The following EDA variants were observed in gnomAD, a reference collection of about 807,000 sequenced individuals.
The protein encoded by EDA is ectodysplasin-A.
In EDA, 2 loss-of-function variants were observed where a neutral mutation model predicts 23.6. That is an observed-to-expected ratio of 0.08 (90% CI 0.03 to 0.27). The LOEUF is 0.27. EDA is among the 10% of genes least tolerant of loss of function. EDA has a pLI of 1.00. For synonymous variants in EDA, 131 were observed against 132.0 expected, an observed-to-expected ratio of 0.99 and a Z score of 0.05; for missense variants, 229 against 324.2, an observed-to-expected ratio of 0.71 and a Z score of 2.26.
chrX:70,012,844 C>T (rs113308801), intron 2 of EDA, among the ~76,000 whole-genome samples: 3,941 of 111,540 alleles, frequency 0.035, 174 homozygotes, highest in African/African-American at 0.12. Context: ...GCCACCCCAC[C>T]GCTACCTGGG....
chrX:69,989,032 C>CA (rs1370127810), intron 2 of EDA, among the ~76,000 whole-genome samples: 1 of 111,403 alleles, frequency 9.0e-6, no homozygotes, highest in Non-Finnish European at 1.9e-5. Context: ...CTCCTATTCC[C>CA]ACTGCCCTGA....
intron 1 of EDA, among the ~76,000 whole-genome samples, chrX:69,951,170 A>T (rs2018920273): frequency 9.0e-6 from 1 of 111,018 alleles, no homozygotes; most frequent in Non-Finnish European, 1.9e-5. Context: ...TCCTCAATAA[A>T]GAAAAATAAA....
intron 1 of EDA, among the ~76,000 whole-genome samples, chrX:69,665,731 A>T (rs1268554568): frequency 1.8e-5 from 2 of 111,528 alleles, no homozygotes; most frequent in Non-Finnish European, 3.8e-5. Flanking sequence ...AAATTATATA[A>T]TATAATCAGG....
intron 1 of EDA, among the ~76,000 whole-genome samples, chrX:69,829,035 C>T (rs971905791): frequency 3.6e-5 from 4 of 112,426 alleles, no homozygotes; most frequent in African/African-American, 6.5e-5. Context: ...CCTTCATCAT[C>T]ATCCCCCATT....
chrX:70,027,964 A>G lies in EDA; in HGVS notation c.634A>G (p.Thr212Ala), dbSNP rs1320757154. The G allele has an allele frequency of 1.6e-5, 19 of 1,188,545 alleles. No individual in the cohort carries two copies. Among genetic ancestry groups the G allele is most frequent in the Non-Finnish European group, 2.1e-5 (19 of 884,053 alleles). ...IPGIPGIPGT[T>A]VMGPPGPPGP... ...AGGGATTCCTGGAATTCCAGGAACAACTGTTATGGGACCACCTGGTCCTCC... is the reference window on the plus strand; with the variant it reads ...AGGGATTCCTGGAATTCCAGGAACAGCTGTTATGGGACCACCTGGTCCTCC... Residue 212 changes from threonine (T) to alanine (A), a missense_variant, in exon 4 of 8, where the codon ACT becomes GCT. This residue lies in a region of EDA where 175 missense variants were observed against 281.8 expected (regional missense o/e 0.62). Coordinates refer to ENST00000374552, the MANE Select transcript of EDA (RefSeq NM_001399.5).
intron 1 of EDA, among the ~76,000 whole-genome samples, chrX:69,950,858 G>A (rs1424541992): frequency 6.7e-5 from 6 of 89,821 alleles, no homozygotes; most frequent in South Asian, 6.0e-4. Flanking sequence ...ACCAAACACC[G>A]CATATTCTCA....
chrX:69,652,055 C>G (rs942347219), intron 1 of EDA, among the ~76,000 whole-genome samples: 1 of 111,171 alleles, frequency 9.0e-6, no homozygotes, highest in African/African-American at 3.3e-5. Context: ...TCCTGGAAAG[C>G]AGGCTTGATA....
At chrX:69,843,696 A>G (rs1441886692) in intron 1 of EDA, among the ~76,000 whole-genome samples, 3 of 111,368 alleles carry the variant, frequency 2.7e-5, no homozygotes, top group Non-Finnish European at 5.6e-5. Context: ...TGTAAAATAT[A>G]AAAAGCCATA....
intron 1 of EDA, among the ~76,000 whole-genome samples, chrX:69,786,329 C>G (rs2015172045): frequency 9.2e-6 from 1 of 108,407 alleles, no homozygotes; most frequent in African/African-American, 3.4e-5. Flanking sequence ...TTGCCTTCTG[C>G]TAGCTTTTGA....
intron 1 of EDA, among the ~76,000 whole-genome samples, chrX:69,828,665 C>A (rs781694993): frequency 7.1e-5 from 8 of 112,439 alleles, no homozygotes; most frequent in African/African-American, 2.6e-4. Context: ...CTTTCTTCTG[C>A]GTCGCTCACG....
At chrX:69,697,572 G>A (rs997248838) in intron 1 of EDA, among the ~76,000 whole-genome samples, 6 of 111,981 alleles carry the variant, frequency 5.4e-5, no homozygotes, top group African/African-American at 6.5e-5. Context: ...GGTGTCCATC[G>A]TGTCGTTGCA....
At chrX:70,015,357 G>A (rs1671990591) in intron 2 of EDA, among the ~76,000 whole-genome samples, 2 of 111,848 alleles carry the variant, frequency 1.8e-5, no homozygotes. Context: ...TGGATCACCT[G>A]AGGTCAGGAG....
chrX:69,702,417 A>G (rs985416988), intron 1 of EDA, among the ~76,000 whole-genome samples: 4 of 110,219 alleles, frequency 3.6e-5, no homozygotes, highest in Admixed American at 1.9e-4. Flanking sequence ...ACAATACTAG[A>G]ATTGTCCTGA....
chrX:69,710,166 T>C (rs1307076295), intron 1 of EDA, among the ~76,000 whole-genome samples: 2 of 110,570 alleles, frequency 1.8e-5, no homozygotes, highest in Non-Finnish European at 3.8e-5. Context: ...CTTGAATTGA[T>C]TTTTGTATAA....
chrX:69,752,196 T>C (rs992925785), intron 1 of EDA, among the ~76,000 whole-genome samples: 32 of 111,562 alleles, frequency 2.9e-4, no homozygotes, highest in Admixed American at 2.9e-3. Flanking sequence ...CCATTCAGTT[T>C]GATATTGGCT....
chrX:69,849,247 C>T (rs925554260), intron 1 of EDA, among the ~76,000 whole-genome samples: 1 of 110,900 alleles, frequency 9.0e-6, no homozygotes, highest in African/African-American at 3.3e-5. Context: ...TGATGTAAAG[C>T]TTTGGGAATC....
intron 3 of EDA, among the ~76,000 whole-genome samples, chrX:70,025,801 C>T (rs1220342903): frequency 8.9e-6 from 1 of 112,123 alleles, no homozygotes; most frequent in African/African-American, 3.2e-5. Flanking sequence ...GCAGAGAAAC[C>T]TCTAAAGCTC....
intron 1 of EDA, among the ~76,000 whole-genome samples, chrX:69,779,537 G>T (rs1338090832): frequency 9.0e-6 from 1 of 111,021 alleles, no homozygotes; most frequent in Non-Finnish European, 1.9e-5. Flanking sequence ...TAGAAATAGG[G>T]AATGACTGCT....
At chrX:70,012,124 A>G (rs780719502) in intron 2 of EDA, among the ~76,000 whole-genome samples, 25 of 111,794 alleles carry the variant, frequency 2.2e-4, no homozygotes, top group African/African-American at 7.5e-4. Flanking sequence ...CTGCATAGCT[A>G]TATGTCCCCC....
Sources: gnomAD v4.1 joint callset for allele counts (sites outside exome capture counted in the v4.1 genomes callset) on GRCh38, gnomAD v4.1.1 for gene constraint, gnomAD v4.1.1 regional missense constraint, MANE v1.5 for transcripts, NCBI Gene and HGNC (gene_info 2026-07-23, HGNC 2026-07-21) for gene names.